The following CACNA1E variants were observed in gnomAD, a reference collection of about 807,000 sequenced individuals.
CACNA1E encodes calcium voltage-gated channel subunit alpha1 E.
A neutral mutation model predicts 259.2 loss-of-function variants in CACNA1E; 40 were observed. That is an observed-to-expected ratio of 0.15 (90% confidence interval 0.12 to 0.20). The LOEUF (loss-of-function observed/expected upper bound fraction) is 0.20, where lower values mean the gene tolerates loss of function less well. Ranked by LOEUF, CACNA1E falls within the 10% of genes least tolerant of loss-of-function variation. CACNA1E has a pLI of 1.00. For missense variants in CACNA1E, 1,874 were observed against 3,040.1 expected, an observed-to-expected ratio of 0.62 and a Z score of 9.02; for synonymous variants, 1,104 against 1,138.5, an observed-to-expected ratio of 0.97 and a Z score of 0.61.
chr1:181,422,540 G>A (rs1306365751), intron 2 of CACNA1E, among the ~76,000 whole-genome samples: 2 of 152,164 alleles, frequency 1.3e-5, no homozygotes, highest in Non-Finnish European at 2.9e-5. Flanking sequence ...CAGGTTGTAT[G>A]AGAACTGTCC....
At chr1:181,537,064 AGGGCTGG>A (rs1668221534) in intron 3 of CACNA1E, among the ~76,000 whole-genome samples, 1 of 144,782 alleles carries the variant, frequency 6.9e-6, no homozygotes, top group Non-Finnish European at 1.5e-5. Context: ...TTCTCTTCTG[AGGGCTGG>A]GGGCCGTGGT....
intron 1 of CACNA1E, among the ~76,000 whole-genome samples, chr1:181,500,075 G>T (rs987601093): frequency 6.6e-6 from 1 of 152,222 alleles, no homozygotes; most frequent in Admixed American, 6.5e-5. Context: ...GTGATGAGGG[G>T]GATGGACCAG....
chr1:181,427,936 T>G (rs1258548191), intron 2 of CACNA1E, among the ~76,000 whole-genome samples: 3 of 152,172 alleles, frequency 2.0e-5, no homozygotes, highest in Non-Finnish European at 2.9e-5. Flanking sequence ...AAGATGTCCA[T>G]AACATCTCTT....
Position 181,487,130 on chromosome 1 carries a change from G to T in CACNA1E, c.266+3120G>T, listed in dbSNP as rs181524173. 5.3e-4 allele frequency among the ~76,000 whole-genome samples: 80 copies of T among 150,986 alleles called. No homozygotes were observed. The East Asian group carries it at 0.013, about 24-fold the overall frequency. ...CACATTTAGCATGCTTGAGGATTTT[G>T]TTTGTGTTACAACACGTTTTGAGAC... is the stretch of plus-strand genomic sequence containing the variant. On this transcript the variant is annotated intron_variant, in intron 1 of 47. Coordinates refer to ENST00000367573, the MANE Select transcript of CACNA1E (RefSeq NM_001205293.3).
intron 3 of CACNA1E, among the ~76,000 whole-genome samples, chr1:181,569,116 G>T (rs1650142629): frequency 6.6e-6 from 1 of 152,208 alleles, no homozygotes; most frequent in African/African-American, 2.4e-5. Context: ...CCACAGTGAA[G>T]CTTCCTTCCC....
chr1:181,641,715 T>TTG (rs67010463), intron 6 of CACNA1E, among the ~76,000 whole-genome samples: 64,779 of 113,704 alleles, frequency 0.57, 22,269 homozygotes, highest in East Asian at 0.82. Context: ...TTTTTTTTTT[T>TTG]TTTTTTTTTT....
chr1:181,560,042 T>C (rs1558127338), intron 3 of CACNA1E, among the ~76,000 whole-genome samples: 1 of 152,084 alleles, frequency 6.6e-6, no homozygotes, highest in Non-Finnish European at 1.5e-5. Context: ...TTTTTTTCTG[T>C]ATTTGTTGAC....
intron 6 of CACNA1E, among the ~76,000 whole-genome samples, chr1:181,602,951 C>T (rs901971816): frequency 6.6e-6 from 1 of 152,196 alleles, no homozygotes; most frequent in African/African-American, 2.4e-5. Flanking sequence ...GGTGGGGGAT[C>T]GGAATTGCCA....
chr1:181,618,082 A>C (rs1479845031), intron 6 of CACNA1E, among the ~76,000 whole-genome samples: 1 of 152,178 alleles, frequency 6.6e-6, no homozygotes. Context: ...TAATTCGCCT[A>C]CGGTGCTGTT....
At chr1:181,436,918 A>G (rs1416452687) in intron 2 of CACNA1E, among the ~76,000 whole-genome samples, 1 of 152,252 alleles carries the variant, frequency 6.6e-6, no homozygotes, top group African/African-American at 2.4e-5. Context: ...GCTTGATTTT[A>G]TCATGTAAAA....
In CACNA1E at chr1:181,580,787, C is replaced by G; in HGVS notation, c.951+11C>G. The G allele has an allele frequency of 6.2e-7, 1 of 1,613,100 alleles. No individual in the cohort carries two copies. Among genetic ancestry groups the G allele is most frequent in the Non-Finnish European group, 8.5e-7 (1 of 1,179,136 alleles). ...ACTGTGCTGTACAATGTGAGTAGAGCTGGTGGGGACCTGGAAGGAGGAGGG... is the reference window on the plus strand; with the variant it reads ...ACTGTGCTGTACAATGTGAGTAGAGGTGGTGGGGACCTGGAAGGAGGAGGG... On this transcript the variant is annotated intron_variant, in intron 6 of 47. Coordinates refer to ENST00000367573, the MANE Select transcript of CACNA1E (RefSeq NM_001205293.3).
At chr1:181,750,863 T>A (rs1028733386) in intron 26 of CACNA1E, among the ~76,000 whole-genome samples, 2 of 152,216 alleles carry the variant, frequency 1.3e-5, no homozygotes, top group African/African-American at 2.4e-5. Context: ...CTATAATCAT[T>A]AAGAGAGTCT....
intron 3 of CACNA1E, among the ~76,000 whole-genome samples, chr1:181,513,959 T>C (rs920822419): frequency 6.6e-6 from 1 of 152,204 alleles, no homozygotes; most frequent in Non-Finnish European, 1.5e-5. Flanking sequence ...TCACAGGACT[T>C]TGCTCCTGCT....
At chr1:181,364,819 T>C (rs913866344) in intron 1 of CACNA1E, among the ~76,000 whole-genome samples, 1 of 152,186 alleles carries the variant, frequency 6.6e-6, no homozygotes, top group African/African-American at 2.4e-5. Flanking sequence ...TGGATCCTCT[T>C]GGGCTCCAGT....
chr1:181,674,223 C>CAAA lies in CACNA1E; in HGVS notation c.1055+22800_1055+22802dup, dbSNP rs58198967. Among the ~76,000 whole-genome samples, 361 of 88,410 alleles carry CAAA rather than the reference C, an allele frequency of 4.1e-3. 1 individual carries two copies. The highest frequency in any genetic ancestry group is 0.013 in the African/African-American group (339 of 26,652). 58.0% of individuals were successfully genotyped at this position (88,410 alleles called of 152,430 possible). On this transcript the variant is annotated intron_variant, in intron 7 of 47. Transcript: ENST00000367573. Reference sequence around the variant, plus strand: ...TAAAACCCCGTCTCTACTAAAAATACAAAAAAAAAAAAAAAAAAAATTAGC... The same window carrying CAAA: ...TAAAACCCCGTCTCTACTAAAAATACAAAAAAAAAAAAAAAAAAAAAAATTAGC...
chr1:181,466,777 G>T lies in CACNA1E; in HGVS notation c.435-16967G>T, dbSNP rs528408603. On this transcript the variant is annotated intron_variant, in intron 2 of 11. Transcript: ENST00000524607. Reference sequence around the variant, plus strand: ...CAAATATATTTGAAAATATATTTCTGTACTTTATCAGTTTTTCTAGAAATG... The same window carrying T: ...CAAATATATTTGAAAATATATTTCTTTACTTTATCAGTTTTTCTAGAAATG... Among the ~76,000 whole-genome samples, 14 of 152,146 alleles carry T rather than the reference G, an allele frequency of 9.2e-5. No homozygotes were observed. The South Asian group carries it at 2.9e-3, about 32-fold the overall frequency.
intron 35 of CACNA1E, among the ~76,000 whole-genome samples, chr1:181,769,765 AGTT>A (rs1659341969): frequency 6.6e-6 from 1 of 152,190 alleles, no homozygotes. Context: ...AGACACTGTA[AGTT>A]GTATGTCTGT....
intron 3 of CACNA1E, among the ~76,000 whole-genome samples, chr1:181,530,260 C>G (rs1171893936): frequency 6.6e-6 from 1 of 152,208 alleles, no homozygotes; most frequent in Non-Finnish European, 1.5e-5. Flanking sequence ...TCTGAGGCCT[C>G]CCCAGCCATG....
At chr1:181,569,779 A>G (rs947272946) in intron 3 of CACNA1E, among the ~76,000 whole-genome samples, 2 of 152,236 alleles carry the variant, frequency 1.3e-5, no homozygotes, top group African/African-American at 4.8e-5. Flanking sequence ...TTTCTAGAGC[A>G]TTACTGTTGC....
Sources: allele counts gnomAD v4.1 joint callset (sites outside exome capture counted in the v4.1 genomes callset), GRCh38; gene constraint gnomAD v4.1.1; transcripts MANE v1.5; gene names NCBI Gene and HGNC (gene_info 2026-07-23, HGNC 2026-07-21).